Variants in PTPRG observed in about 807,000 individuals in gnomAD.
PTPRG encodes the protein protein tyrosine phosphatase receptor type G.
In PTPRG, 102 loss-of-function variants were observed where a neutral mutation model predicts 165.3. That is an observed-to-expected ratio of 0.62 (90% CI 0.53 to 0.73). The LOEUF (loss-of-function observed/expected upper bound fraction) is 0.73, where lower values mean the gene tolerates loss of function less well. Among genes scored for constraint, PTPRG ranks in the 30% least tolerant of loss-of-function variants. The pLI is 0.00. For synonymous variants in PTPRG, 675 were observed against 669.5 expected (o/e 1.01, Z -0.13); for missense variants, 1,866 against 1,861.4 (o/e 1.00, Z -0.05).
chr3:61,868,899 A>C (rs1490949586), intron 2 of PTPRG, among the ~76,000 whole-genome samples: 2 of 148,580 alleles, frequency 1.3e-5, no homozygotes, highest in African/African-American at 2.4e-5. Flanking sequence ...CTTGTTCAGA[A>C]GGGTGTTTTT....
At chr3:61,893,046 T>A (rs2038260379) in intron 2 of PTPRG, among the ~76,000 whole-genome samples, 1 of 152,188 alleles carries the variant, frequency 6.6e-6, no homozygotes, top group Non-Finnish European at 1.5e-5. Flanking sequence ...TGTTCTTACA[T>A]TTAGACTGTT....
At chr3:61,763,089 T>C (rs2033905542) in intron 2 of PTPRG, among the ~76,000 whole-genome samples, 1 of 152,184 alleles carries the variant, frequency 6.6e-6, no homozygotes, top group South Asian at 2.1e-4. Flanking sequence ...TGTCCAGACT[T>C]GGATCGTGTT....
At chr3:62,238,046 A>G (rs1373291359) in intron 14 of PTPRG, among the ~76,000 whole-genome samples, 1 of 152,250 alleles carries the variant, frequency 6.6e-6, no homozygotes, top group Non-Finnish European at 1.5e-5. Flanking sequence ...TCTTTGGTCA[A>G]GCACCAGAAG....
intron 2 of PTPRG, among the ~76,000 whole-genome samples, chr3:61,975,800 G>A (rs1336655168): frequency 6.6e-6 from 1 of 152,132 alleles, no homozygotes; most frequent in Non-Finnish European, 1.5e-5. Context: ...CCTGTGGTCT[G>A]TAAAGATTTT....
intron 2 of PTPRG, among the ~76,000 whole-genome samples, chr3:61,882,320 C>A (rs1408186907): frequency 6.6e-6 from 1 of 152,156 alleles, no homozygotes; most frequent in Non-Finnish European, 1.5e-5. Context: ...TGCTAAAAGG[C>A]TAGGTTTGTT....
intron 1 of PTPRG, among the ~76,000 whole-genome samples, chr3:61,625,413 C>T (rs1267193345): frequency 6.6e-6 from 1 of 152,156 alleles, no homozygotes; most frequent in Non-Finnish European, 1.5e-5. Context: ...TCATCTCTTA[C>T]ATTTTAAACC....
chr3:61,670,890 G>A (rs552539014), intron 1 of PTPRG, among the ~76,000 whole-genome samples: 11 of 152,248 alleles, frequency 7.2e-5, no homozygotes, highest in African/African-American at 2.2e-4. Context: ...CCTGCTCTCC[G>A]GAGGCTTGCC....
chr3:61,577,662 G>T (rs569842210), intron 1 of PTPRG, among the ~76,000 whole-genome samples: 2 of 152,038 alleles, frequency 1.3e-5, no homozygotes, highest in Non-Finnish European at 2.9e-5. Flanking sequence ...TACACATGTG[G>T]CTCGCATTTG....
At chr3:62,148,722 A>G (rs1006594441) in intron 6 of PTPRG, among the ~76,000 whole-genome samples, 3 of 152,196 alleles carry the variant, frequency 2.0e-5, no homozygotes, top group Non-Finnish European at 4.4e-5. Flanking sequence ...AGGTCACGCC[A>G]CTGCACTGCA....
At chr3:62,279,184 G>A (rs1326502518) in intron 26 of PTPRG, among the ~76,000 whole-genome samples, 3 of 151,934 alleles carry the variant, frequency 2.0e-5, no homozygotes, top group African/African-American at 7.3e-5. Flanking sequence ...CCTTTACCAG[G>A]TCATAATTCT....
chr3:62,153,170 T>A (rs1186055314), intron 6 of PTPRG, among the ~76,000 whole-genome samples: 1 of 152,218 alleles, frequency 6.6e-6, no homozygotes, highest in East Asian at 1.9e-4. Flanking sequence ...CTTTGGTACT[T>A]TATAGAAAAC....
chr3:61,958,926 G>A (rs2040092304), intron 2 of PTPRG, among the ~76,000 whole-genome samples: 1 of 152,146 alleles, frequency 6.6e-6, no homozygotes, highest in Admixed American at 6.5e-5. Context: ...TCACACTCAA[G>A]GCTGGGCAGT....
chr3:62,161,220 C>CGTT (rs1378845622), intron 7 of PTPRG, among the ~76,000 whole-genome samples: 7 of 151,950 alleles, frequency 4.6e-5, no homozygotes, highest in South Asian at 2.1e-4. Context: ...AGATATTAGG[C>CGTT]GTTGTTGTTG....
At chr3:61,970,678 AATTT>A (rs35883194) in intron 2 of PTPRG, among the ~76,000 whole-genome samples, 34,650 of 151,796 alleles carry the variant, frequency 0.23, 4,378 homozygotes, top group African/African-American at 0.33. Flanking sequence ...GGATGTTCAG[AATTT>A]ATTTGAACTC....
intron 1 of PTPRG, among the ~76,000 whole-genome samples, chr3:61,717,957 A>G (rs2031877965): frequency 6.6e-6 from 1 of 152,014 alleles, no homozygotes; most frequent in Admixed American, 6.6e-5. Context: ...AGGTGGGTGG[A>G]TCACTTGAGG....
At chr3:62,235,945 C>T (rs916545094) in intron 14 of PTPRG, among the ~76,000 whole-genome samples, 1 of 152,234 alleles carries the variant, frequency 6.6e-6, no homozygotes. Flanking sequence ...TGAAACTTGC[C>T]ATTTGATTAT....
intron 2 of PTPRG, among the ~76,000 whole-genome samples, chr3:61,809,624 A>C (rs2035514431): frequency 6.6e-6 from 1 of 152,188 alleles, no homozygotes; most frequent in Non-Finnish European, 1.5e-5. Flanking sequence ...GTGGACAGTG[A>C]ATACTATATG....
chr3:62,277,778 T>G, intron 26 of PTPRG, 99 bp downstream of exon 26: 1 of 1,449,618 alleles, frequency 6.9e-7, no homozygotes. Flanking sequence ...CCATATATGC[T>G]AGGGAGGGAA....
intron 1 of PTPRG, among the ~76,000 whole-genome samples, chr3:61,716,848 C>T (rs372292948): frequency 9.2e-5 from 14 of 152,114 alleles, no homozygotes; most frequent in African/African-American, 2.2e-4. Context: ...GGCAGGCACG[C>T]GTAATCCCAG....
Sources: gnomAD v4.1 joint callset for allele counts (sites outside exome capture counted in the v4.1 genomes callset) on GRCh38, gnomAD v4.1.1 for gene constraint, MANE v1.5 for transcripts, NCBI Gene and HGNC (gene_info 2026-07-23, HGNC 2026-07-21) for gene names.